Variants in VPS50 observed in about 807,000 individuals in gnomAD.
VPS50 encodes the protein syndetin.
A neutral mutation model predicts 139.7 loss-of-function variants in VPS50; 70 were observed. That is an observed-to-expected ratio of 0.50 (90% CI 0.41 to 0.61). The LOEUF is 0.61. Ranked by LOEUF, VPS50 falls within the 20% of genes least tolerant of loss-of-function variation. The pLI, the probability that VPS50 is intolerant of heterozygous loss-of-function variation, is 0.00. For synonymous variants in VPS50, 365 were observed against 376.7 expected, an observed-to-expected ratio of 0.97 and a Z score of 0.36; for missense variants, 921 against 1,133.7, an observed-to-expected ratio of 0.81 and a Z score of 2.69.
In VPS50 at chr7:93,358,442, A is replaced by G. The variant is rs1467451978; in HGVS notation, c.*6A>G. 6.2e-7 allele frequency: 1 copy of G among 1,609,956 alleles called. No homozygotes were observed. Among genetic ancestry groups the G allele is most frequent in the Admixed American group, 1.7e-5 (1 of 59,886 alleles). On this transcript the variant is annotated 3_prime_UTR_variant, in exon 28 of 28. Transcript: ENST00000305866. ...TAGACAGACCTAAAAGATAATGAAC[A>G]CAGCTCTCTTTCCTCAATGGCATTG...
At chr7:93,322,880 AG>A (rs1173754084) in intron 20 of VPS50, among the ~76,000 whole-genome samples, 3 of 152,152 alleles carry the variant, frequency 2.0e-5, no homozygotes, top group Admixed American at 6.5e-5. Flanking sequence ...TTGTAAATGC[AG>A]AAGTTTAATT....
chr7:93,261,584 A>G (rs1198009549), intron 9 of VPS50, among the ~76,000 whole-genome samples: 1 of 149,026 alleles, frequency 6.7e-6, no homozygotes, highest in Non-Finnish European at 1.5e-5. Flanking sequence ...AGGCTGAGGC[A>G]GGAGAATGGC....
chr7:93,274,242 G>A (rs1036538170), intron 11 of VPS50, among the ~76,000 whole-genome samples: 2 of 152,108 alleles, frequency 1.3e-5, no homozygotes, highest in African/African-American at 4.8e-5. Flanking sequence ...ACACGGAACA[G>A]CCTTCTATTG....
intron 12 of VPS50, among the ~76,000 whole-genome samples, chr7:93,284,931 G>T (rs943187034): frequency 3.9e-5 from 6 of 152,156 alleles, no homozygotes; most frequent in Admixed American, 3.9e-4. Flanking sequence ...GGCCCTCACA[G>T]AAGTAATTAG....
At chr7:93,278,452 C>T (rs1047215592) in intron 12 of VPS50, among the ~76,000 whole-genome samples, 3 of 150,082 alleles carry the variant, frequency 2.0e-5, no homozygotes, top group Non-Finnish European at 4.5e-5. Flanking sequence ...AAAATATTAG[C>T]TGGGTGTAGT....
At position 93,344,281 on chromosome 7, in the gene VPS50, T is replaced by C. The variant is rs145986034; in HGVS notation, c.2207+2706T>C. On this transcript the variant is annotated intron_variant, in intron 23 of 27. Coordinates refer to ENST00000305866, the MANE Select transcript of VPS50 (RefSeq NM_017667.4). ...GATCAATTCAACAAGAAAAGCTAAC[T>C]ATCCTAAATATATATGCACCCCAAT... Among the ~76,000 whole-genome samples, 224 of 152,270 alleles carry C rather than the reference T, an allele frequency of 1.5e-3. 5 individuals are homozygous for C. In the East Asian group the frequency reaches 0.037, roughly 25 times the overall value.
intron 18 of VPS50, among the ~76,000 whole-genome samples, chr7:93,308,511 T>C (rs1797178437): frequency 6.6e-6 from 1 of 151,738 alleles, no homozygotes; most frequent in Non-Finnish European, 1.5e-5. Context: ...TGAGAGACTT[T>C]AAGAAAAAAA....
chr7:93,281,047 C>G (rs564653101), intron 12 of VPS50, among the ~76,000 whole-genome samples: 1 of 151,950 alleles, frequency 6.6e-6, no homozygotes, highest in Non-Finnish European at 1.5e-5. Context: ...AATTGGATTG[C>G]CATATTTGTC....
At chr7:93,234,595 T>C (rs1398150007) in intron 1 of VPS50, among the ~76,000 whole-genome samples, 1 of 152,220 alleles carries the variant, frequency 6.6e-6, no homozygotes, top group African/African-American at 2.4e-5. Flanking sequence ...CTATTTACAT[T>C]GAGGGTTTGA....
chr7:93,301,808 C>T (rs1796984681), intron 16 of VPS50, among the ~76,000 whole-genome samples: 2 of 152,166 alleles, frequency 1.3e-5, no homozygotes, highest in Admixed American at 6.5e-5. Flanking sequence ...TATGGTAACG[C>T]TCTCTGTTTA....
chr7:93,279,414 A>G (rs1796258210), intron 12 of VPS50, among the ~76,000 whole-genome samples: 1 of 152,198 alleles, frequency 6.6e-6, no homozygotes, highest in South Asian at 2.1e-4. Flanking sequence ...GGAGCTGAAT[A>G]AAGAAGGTGA....
chr7:93,334,246 T>G (rs1202039178), intron 22 of VPS50, 49 bp downstream of exon 22: 5 of 1,029,726 alleles, frequency 4.9e-6, no homozygotes, highest in Non-Finnish European at 7.4e-6. Context: ...AAAATGGAAA[T>G]TAGCTATTCA....
chr7:93,312,212 GGATA>G (rs1299125765), intron 20 of VPS50, among the ~76,000 whole-genome samples: 4 of 152,134 alleles, frequency 2.6e-5, no homozygotes, highest in Non-Finnish European at 5.9e-5. Flanking sequence ...TCAGAAAAAA[GGATA>G]GATTCTAAAA....
chr7:93,253,804 G>T, intron 3 of VPS50, 56 bp from the exon 4 acceptor site: 1 of 1,042,306 alleles, frequency 9.6e-7, no homozygotes, highest in South Asian at 1.4e-5. Context: ...CCAGGTAAAT[G>T]AAACCAAATT....
chr7:93,354,983 CTG>C (rs1180718321), intron 26 of VPS50, among the ~76,000 whole-genome samples: 1 of 152,124 alleles, frequency 6.6e-6, no homozygotes, highest in Non-Finnish European at 1.5e-5. Flanking sequence ...TCGTGGCACT[CTG>C]TATTGAAACC....
intron 16 of VPS50, among the ~76,000 whole-genome samples, chr7:93,298,422 A>T (rs1007545629): frequency 6.6e-6 from 1 of 152,130 alleles, no homozygotes; most frequent in Non-Finnish European, 1.5e-5. Flanking sequence ...TTAATCATGG[A>T]TGGGGAAATA....
intron 9 of VPS50, among the ~76,000 whole-genome samples, chr7:93,261,288 G>A (rs939275351): frequency 6.6e-6 from 1 of 152,096 alleles, no homozygotes. Flanking sequence ...TTGTCAGTAT[G>A]GTGATAAACC....
chr7:93,339,471 A>G (rs931552233), intron 22 of VPS50, among the ~76,000 whole-genome samples: 2 of 152,208 alleles, frequency 1.3e-5, no homozygotes, highest in African/African-American at 4.8e-5. Context: ...ATGGAAAATA[A>G]TTGGAGATTT....
intron 1 of VPS50, among the ~76,000 whole-genome samples, chr7:93,238,988 C>T (rs1335021530): frequency 1.3e-5 from 2 of 152,060 alleles, no homozygotes; most frequent in Non-Finnish European, 2.9e-5. Context: ...AGAGAAAATA[C>T]ACATCTCTGT....
Sources: gnomAD v4.1 joint callset for allele counts (sites outside exome capture counted in the v4.1 genomes callset) on GRCh38, gnomAD v4.1.1 for gene constraint, MANE v1.5 for transcripts, NCBI Gene and HGNC (gene_info 2026-07-23, HGNC 2026-07-21) for gene names.